LMNA: variants seen among roughly 807,000 people sequenced by gnomAD.
LMNA encodes the protein lamin A/C, also known as lamin.
A neutral mutation model predicts 70.4 loss-of-function variants in LMNA; 20 were observed. The ratio of observed to expected loss-of-function variants is 0.28; its 90% CI spans 0.20 to 0.41. The LOEUF (loss-of-function observed/expected upper bound fraction) is 0.41. Ranked by LOEUF, LMNA falls within the 10% of genes least tolerant of loss-of-function variation. LMNA has a pLI of 1.00. For synonymous variants in LMNA, 339 were observed against 372.8 expected (o/e 0.91, Z 1.04); for missense variants, 652 against 917.2 (o/e 0.71, Z 3.73).
chr1:156,096,371 C>A (rs1323575711), intron 3 of LMNA, among the ~76,000 whole-genome samples: 3 of 152,236 alleles, frequency 2.0e-5, no homozygotes, highest in Non-Finnish European at 2.9e-5. Flanking sequence ...TAAAGTGAAG[C>A]TAATAGTAGC....
chr1:156,126,211 A>T (rs879254318), intron 1 of LMNA: 1 of 1,523,892 alleles, frequency 6.6e-7, no homozygotes, highest in East Asian at 2.5e-5. Context: ...GCAATGGGGA[A>T]CTCTGAGGGC....
At chr1:156,133,706 C>T (rs746238202) in intron 2 of LMNA, among the ~76,000 whole-genome samples, 10 of 152,152 alleles carry the variant, frequency 6.6e-5, no homozygotes, top group Non-Finnish European at 1.5e-4. Context: ...GCCACCTCTC[C>T]CATCCCTTCC....
intron 2 of LMNA, among the ~76,000 whole-genome samples, chr1:156,087,379 A>T (rs981010987): frequency 1.3e-5 from 2 of 151,252 alleles, no homozygotes; most frequent in African/African-American, 4.9e-5. Context: ...AGTAGCTGGG[A>T]TTACAGATGC....
chr1:156,107,231 C>T (rs1649380822), intron 3 of LMNA, among the ~76,000 whole-genome samples: 1 of 152,204 alleles, frequency 6.6e-6, no homozygotes, highest in South Asian at 2.1e-4. Flanking sequence ...TTGGTTACTA[C>T]TTATCCAGTC....
At chr1:156,102,534 C>T (rs867241760) in intron 3 of LMNA, among the ~76,000 whole-genome samples, 6 of 152,158 alleles carry the variant, frequency 3.9e-5, no homozygotes, top group African/African-American at 2.4e-5. Flanking sequence ...TCTCCACCCT[C>T]GAGAGAGCTG....
At chr1:156,107,767 A>G (rs1649404284) in intron 3 of LMNA, among the ~76,000 whole-genome samples, 1 of 151,804 alleles carries the variant, frequency 6.6e-6, no homozygotes, top group Admixed American at 6.6e-5. Flanking sequence ...CCTCAGGTCA[A>G]TTACAACCTC....
At chr1:156,093,403 T>C (rs1461978082) in intron 3 of LMNA, among the ~76,000 whole-genome samples, 1 of 148,196 alleles carries the variant, frequency 6.7e-6, no homozygotes, top group African/African-American at 2.5e-5. Context: ...GCCTCCTGGC[T>C]CAAGCCATCC....
intron 3 of LMNA, among the ~76,000 whole-genome samples, chr1:156,094,018 T>C (rs1330794893): frequency 6.6e-6 from 1 of 151,940 alleles, no homozygotes; most frequent in Non-Finnish European, 1.5e-5. Flanking sequence ...CTGCATGAGG[T>C]TTAGTATATC....
At position 156,115,285 on chromosome 1, in the gene LMNA, C is replaced by T. The variant is rs1374562182; in HGVS notation, c.356+11C>T. ...GGAGCTGAAAGCGCGGTGAGTTCGC[C>T]CAGGTGGCTGCGTGCCTGGCGGGGA... On this transcript the variant is annotated intron_variant, in intron 1 of 11. Transcript: ENST00000368300. The surrounding 1 kb of genome is among the most constrained non-coding windows in gnomAD (Gnocchi z 5.8). 6.3e-7 allele frequency: 1 copy of T among 1,595,390 alleles called. No individual in the cohort carries two copies. Among genetic ancestry groups the T allele is most frequent in the African/African-American group, 1.3e-5 (1 of 74,964 alleles).
At chr1:156,117,887 A>T (rs1041202050) in intron 1 of LMNA, among the ~76,000 whole-genome samples, 1 of 150,346 alleles carries the variant, frequency 6.7e-6, no homozygotes, top group African/African-American at 2.5e-5. Flanking sequence ...GCAGCCTGGA[A>T]CTCCTCCTGG....
intron 3 of LMNA, among the ~76,000 whole-genome samples, chr1:156,092,890 C>CTTTTTTTTTTTTTTTTTTT (rs568056544): frequency 7.4e-6 from 1 of 135,654 alleles, no homozygotes; most frequent in Non-Finnish European, 1.6e-5. Flanking sequence ...TTCTTTTTTT[C>CTTTTTTTTTTTTTTTTTTT]TTTTTTTTTT....
At chr1:156,083,600 C>G (rs1466834302) in intron 2 of LMNA, 1 of 152,148 alleles carries the variant, frequency 6.6e-6, no homozygotes, top group Non-Finnish European at 1.5e-5. Context: ...GTCAGGAGTT[C>G]GAGACCAGCC....
intron 2 of LMNA, among the ~76,000 whole-genome samples, chr1:156,083,798 AAAAC>A (rs139193635): frequency 0.02 from 3,047 of 152,214 alleles, 108 homozygotes; most frequent in African/African-American, 0.07. Flanking sequence ...AAACAAAAAC[AAAAC>A]AAACAAACAA....
intron 3 of LMNA, among the ~76,000 whole-genome samples, chr1:156,104,050 C>T (rs1463460511): frequency 6.6e-6 from 1 of 152,198 alleles, no homozygotes; most frequent in African/African-American, 2.4e-5. Context: ...GGGAAGGGGA[C>T]ATTTTGCAAG....
intron 2 of LMNA, among the ~76,000 whole-genome samples, chr1:156,132,320 A>G (rs773836002): frequency 2.8e-4 from 42 of 152,022 alleles, no homozygotes; most frequent in Admixed American, 2.3e-3. Context: ...AAATACAAAA[A>G]TTAGCTAGGC....
intron 1 of LMNA, among the ~76,000 whole-genome samples, chr1:156,128,438 G>A (rs766809128): frequency 5.5e-4 from 84 of 152,218 alleles, no homozygotes; most frequent in Non-Finnish European, 3.7e-4. Flanking sequence ...ACCTAAGGAG[G>A]CTGGGGAGAC....
chr1:156,138,833 G>C lies in LMNA; in HGVS notation c.1968+76G>C. On this transcript the variant is annotated intron_variant, in intron 11 of 11. Transcript: ENST00000368300. The surrounding 1 kb of genome is among the most constrained non-coding windows in gnomAD (Gnocchi z 5.5). The stretch of plus-strand genomic sequence containing the variant: ...TCGAGGGGTAGGACGAGGTGGCCTT[G>C]CAGGGGGGAGAGCCTGCCTTCTCTT... 6.3e-7 allele frequency: 1 copy of C among 1,586,118 alleles called. No homozygotes were observed. Among genetic ancestry groups the C allele is most frequent in the Non-Finnish European group, 8.6e-7 (1 of 1,158,988 alleles).
At chr1:156,086,375 G>A (rs1297277505) in intron 2 of LMNA, among the ~76,000 whole-genome samples, 1 of 145,934 alleles carries the variant, frequency 6.9e-6, no homozygotes, top group Non-Finnish European at 1.5e-5. Context: ...TTAAGCCCTG[G>A]AATGCAGGTG....
chr1:156,127,905 C>T (rs570970280), intron 1 of LMNA, among the ~76,000 whole-genome samples: 10 of 152,024 alleles, frequency 6.6e-5, no homozygotes, highest in African/African-American at 2.4e-4. Context: ...AGGCTGGTCT[C>T]GAACTCCTGG....
Sources: gnomAD v4.1 joint callset for allele counts (sites outside exome capture counted in the v4.1 genomes callset) on GRCh38, gnomAD v4.1.1 for gene constraint, Gnocchi (gnomAD v3.1) non-coding constraint, MANE v1.5 for transcripts, NCBI Gene and HGNC (gene_info 2026-07-23, HGNC 2026-07-21) for gene names.